Variants in DSE observed in about 807,000 individuals in gnomAD.
DSE encodes dermatan-sulfate epimerase.
A neutral mutation model predicts 84.4 loss-of-function variants in DSE; 36 were observed. The observed-to-expected ratio is 0.43, with a 90% CI of 0.33 to 0.56. The LOEUF (loss-of-function observed/expected upper bound fraction) is 0.56, where lower values mean the gene tolerates loss of function less well. DSE is among the 20% of genes least tolerant of loss of function. The probability of loss-of-function intolerance (pLI) is 0.06; values close to 1 mark genes in which losing one functional copy is unlikely to be tolerated. For missense variants in DSE, 862 were observed against 1,169.6 expected, an observed-to-expected ratio of 0.74 and a Z score of 3.84; for synonymous variants, 410 against 430.1, an observed-to-expected ratio of 0.95 and a Z score of 0.58.
intron 1 of DSE, among the ~76,000 whole-genome samples, chr6:116,386,806 A>C (rs1159657116): frequency 6.6e-6 from 1 of 152,314 alleles, no homozygotes; most frequent in African/African-American, 2.4e-5. Context: ...AGTCCTGAAG[A>C]CTTCTCTTGG....
At chr6:116,284,774 G>C (rs1031898560) in intron 2 of DSE, among the ~76,000 whole-genome samples, 12 of 150,134 alleles carry the variant, frequency 8.0e-5, no homozygotes, top group African/African-American at 3.0e-4. Context: ...GCAGTGTTTG[G>C]TTTTCTGTCC....
At chr6:116,429,474 A>G (rs902118982) in intron 3 of DSE, among the ~76,000 whole-genome samples, 5 of 152,242 alleles carry the variant, frequency 3.3e-5, no homozygotes, top group African/African-American at 1.2e-4. Flanking sequence ...TGCGTGTTTT[A>G]AAGGAAAACC....
chr6:116,306,892 G>T (rs1263776388), intron 2 of DSE, among the ~76,000 whole-genome samples: 1 of 152,126 alleles, frequency 6.6e-6, no homozygotes, highest in African/African-American at 2.4e-5. Context: ...CCCTCCCCAG[G>T]AGCCAAATTG....
chr6:116,425,172 G>A (rs1783351612), intron 2 of DSE, among the ~76,000 whole-genome samples: 2 of 152,036 alleles, frequency 1.3e-5, no homozygotes, highest in Admixed American at 6.5e-5. Flanking sequence ...ATTTAAAAAA[G>A]CCTGTATTAT....
At chr6:116,413,565 G>C (rs1378404497) in intron 2 of DSE, among the ~76,000 whole-genome samples, 1 of 152,200 alleles carries the variant, frequency 6.6e-6, no homozygotes, top group Non-Finnish European at 1.5e-5. Context: ...TTCCGGGGCT[G>C]AATGGAATAA....
intron 1 of DSE, chr6:116,258,416 T>C (rs1250126374): frequency 2.8e-6 from 2 of 711,652 alleles, no homozygotes; most frequent in Non-Finnish European, 5.2e-6. Flanking sequence ...TATAATAACT[T>C]AGTTGTAATT....
intron 2 of DSE, among the ~76,000 whole-genome samples, chr6:116,405,458 G>C (rs1435939004): frequency 6.6e-6 from 1 of 152,088 alleles, no homozygotes; most frequent in Admixed American, 6.5e-5. Flanking sequence ...AGAAAACCCA[G>C]CCTCTAATTC....
intron 2 of DSE, among the ~76,000 whole-genome samples, chr6:116,327,835 A>C (rs1186868242): frequency 6.6e-6 from 1 of 152,214 alleles, no homozygotes; most frequent in Non-Finnish European, 1.5e-5. Flanking sequence ...GTGTTCTTAC[A>C]CAAGTAAATT....
chr6:116,370,895 C>G, upstream of DSE: 2 of 985,768 alleles, frequency 2.0e-6, no homozygotes, highest in Non-Finnish European at 2.4e-6. Flanking sequence ...CGCCGCGTCC[C>G]TCCCTCCGCC....
intron 2 of DSE, chr6:116,259,242 C>G: frequency 3.3e-6 from 2 of 599,346 alleles, no homozygotes; most frequent in South Asian, 4.1e-5. Flanking sequence ...TTTAAAATAT[C>G]TATTTTAAAA....
Position 116,436,316 on chromosome 6 carries a change from G to A in DSE, c.1848G>A (p.Met616Ile). 6.2e-7 allele frequency: 1 copy of A among 1,614,176 alleles called. No individual in the cohort carries two copies. Among genetic ancestry groups the A allele is most frequent in the Non-Finnish European group, 8.5e-7 (1 of 1,180,020 alleles). Reference protein sequence around the residue: ...FIRQRDGLYKMYWMDDTGYSE... With the variant: ...FIRQRDGLYKIYWMDDTGYSE... Reference sequence around the variant, plus strand: ...GGCAGAGAGATGGTCTCTATAAAATGTACTGGATGGACGATACTGGCTACA... The same window carrying A: ...GGCAGAGAGATGGTCTCTATAAAATATACTGGATGGACGATACTGGCTACA... Residue 616 changes from methionine (M) to isoleucine (I), a missense_variant, in exon 6 of 6, where the codon ATG becomes ATA. This residue lies in a region of DSE where 186 missense variants were observed against 255.1 expected (regional missense o/e 0.73). Coordinates refer to ENST00000644252, the MANE Select transcript of DSE (RefSeq NM_013352.4).
At chr6:116,400,892 A>G (rs892876613) in intron 2 of DSE, 2 of 152,166 alleles carry the variant, frequency 1.3e-5, no homozygotes, top group African/African-American at 4.8e-5. Flanking sequence ...ACAGTAACTC[A>G]CTGATTGATT....
intron 2 of DSE, chr6:116,412,451 G>C (rs1233685818): frequency 6.6e-6 from 1 of 152,258 alleles, no homozygotes; most frequent in Admixed American, 6.5e-5. Context: ...CCTGGCTCCA[G>C]ACCCTCTGCT....
intron 2 of DSE, among the ~76,000 whole-genome samples, chr6:116,318,093 T>C (rs748158304): frequency 6.6e-6 from 1 of 152,212 alleles, no homozygotes; most frequent in Non-Finnish European, 1.5e-5. Context: ...TGGACAAATA[T>C]ATATTGAGCA....
At chr6:116,424,802 T>A (rs1311828743) in intron 2 of DSE, among the ~76,000 whole-genome samples, 1 of 152,226 alleles carries the variant, frequency 6.6e-6, no homozygotes, top group Non-Finnish European at 1.5e-5. Context: ...AGGGAAGGCC[T>A]CACCTAGGCC....
At chr6:116,320,697 C>T (rs902650970) in intron 2 of DSE, among the ~76,000 whole-genome samples, 3 of 152,108 alleles carry the variant, frequency 2.0e-5, no homozygotes, top group African/African-American at 7.2e-5. Context: ...CTATTGCTGC[C>T]TCTTCACATG....
rs1464948646 is a variant in DSE, at chr6:116,437,542, G to A, written c.*197G>A. 9 of 559,694 alleles carry A rather than the reference G, an allele frequency of 1.6e-5. No homozygotes were observed. The highest frequency in any genetic ancestry group is 2.1e-5 in the Non-Finnish European group (7 of 329,696). The allele number at this position is 559,694 out of a possible 1,614,324, so 34.7% of individuals were successfully genotyped here. A position where few individuals can be genotyped will look rare whatever the true frequency, so the allele number is the denominator to read the frequency against. ...AGAAATTATCAAAGCAATAGAAATAGCTTGGTGGTCCTATGGTGTTTTTGG... is the reference window on the plus strand; with the variant it reads ...AGAAATTATCAAAGCAATAGAAATAACTTGGTGGTCCTATGGTGTTTTTGG... On this transcript the variant is annotated 3_prime_UTR_variant, in exon 6 of 6. Transcript: ENST00000644252.
intron 2 of DSE, among the ~76,000 whole-genome samples, chr6:116,285,758 C>A (rs1022382490): frequency 6.6e-6 from 1 of 152,224 alleles, no homozygotes; most frequent in African/African-American, 2.4e-5. Context: ...GTTTTCCCAA[C>A]ACCAGTTATT....
At chr6:116,264,238 T>C (rs1296429490) in intron 2 of DSE, among the ~76,000 whole-genome samples, 2 of 152,214 alleles carry the variant, frequency 1.3e-5, no homozygotes, top group African/African-American at 4.8e-5. Context: ...CAATGAGTTG[T>C]AGATTTGGTC....
Sources: allele counts gnomAD v4.1 joint callset (sites outside exome capture counted in the v4.1 genomes callset), GRCh38; gene constraint gnomAD v4.1.1; regional missense constraint gnomAD v4.1.1; transcripts MANE v1.5; gene names NCBI Gene and HGNC (gene_info 2026-07-23, HGNC 2026-07-21).